Variants in RORA observed in about 807,000 individuals in gnomAD.
RORA encodes the protein RAR related orphan receptor A.
A neutral mutation model predicts 69.5 loss-of-function variants in RORA; 7 were observed. The observed-to-expected ratio is 0.10, with a 90% CI of 0.06 to 0.19. RORA has a LOEUF of 0.19. Ranked by LOEUF, RORA falls within the 10% of genes least tolerant of loss-of-function variation. The probability of loss-of-function intolerance (pLI) is 1.00; values close to 1 mark genes in which losing one functional copy is unlikely to be tolerated. For missense variants in RORA, 457 were observed against 663.0 expected (o/e 0.69, Z 3.41); for synonymous variants, 261 against 240.8 (o/e 1.08, Z -0.78).
chr15:61,219,578 AT>A (rs201695263), intron 1 of RORA, among the ~76,000 whole-genome samples: 38 of 145,060 alleles, frequency 2.6e-4, no homozygotes, highest in African/African-American at 3.9e-4. Context: ...CCGTCTCAAA[AT>A]TTAAAAAAAA....
At chr15:60,715,330 T>C (rs534638568) in intron 1 of RORA, among the ~76,000 whole-genome samples, 26 of 152,306 alleles carry the variant, frequency 1.7e-4, no homozygotes, top group African/African-American at 6.3e-4. Context: ...ATGAGAAACT[T>C]TTTTGAACAC....
intron 2 of RORA, chr15:60,615,167 G>T: frequency 9.5e-7 from 1 of 1,049,494 alleles, no homozygotes; most frequent in Non-Finnish European, 1.4e-6. Flanking sequence ...TAGTGCTAGT[G>T]CACTTGGCAG....
chr15:60,623,879 A>T (rs1457080647), intron 2 of RORA, among the ~76,000 whole-genome samples: 1 of 152,210 alleles, frequency 6.6e-6, no homozygotes, highest in East Asian at 1.9e-4. Flanking sequence ...TAGAATCTTT[A>T]TCACTAAATA....
chr15:60,851,702 TTA>T (rs893175522), intron 1 of RORA, among the ~76,000 whole-genome samples: 2 of 151,440 alleles, frequency 1.3e-5, no homozygotes, highest in African/African-American at 2.4e-5. Context: ...TATGGCAATA[TTA>T]TATGTGTGTG....
chr15:61,066,736 C>A (rs1340842552), intron 1 of RORA, among the ~76,000 whole-genome samples: 1 of 151,770 alleles, frequency 6.6e-6, no homozygotes, highest in East Asian at 1.9e-4. Context: ...CTGGCATGTT[C>A]CTTAAGAACA....
chr15:60,790,282 A>C (rs150606245), intron 1 of RORA, among the ~76,000 whole-genome samples: 2 of 152,340 alleles, frequency 1.3e-5, no homozygotes, highest in East Asian at 3.9e-4. Flanking sequence ...GAGCCTGAGA[A>C]TTTGTATTTT....
chr15:60,587,158 C>T (rs1043768139), intron 2 of RORA, among the ~76,000 whole-genome samples: 2 of 152,170 alleles, frequency 1.3e-5, no homozygotes, highest in Non-Finnish European at 2.9e-5. Context: ...AGCTGTACTT[C>T]ATGGTATTCT....
intron 1 of RORA, among the ~76,000 whole-genome samples, chr15:61,079,979 G>A (rs975356390): frequency 1.1e-4 from 16 of 152,182 alleles, no homozygotes; most frequent in Non-Finnish European, 1.8e-4. Context: ...GGAAGAAGTA[G>A]CAAATCCTGT....
rs1595902913 is a variant in RORA at position 60,520,654 on chromosome 15, A to T, written c.283-5897T>A. ...GTGAGCTGAGAGATGAATTCCAGGG[A>T]TTGGAGGTCATACAGAGAGCAGGGG... is the stretch of plus-strand genomic sequence containing the variant. On this transcript the variant is annotated intron_variant, in intron 3 of 10. Coordinates refer to ENST00000335670, the MANE Select transcript of RORA (RefSeq NM_134261.3). Among the ~76,000 whole-genome samples the T allele has an allele frequency of 2.6e-5, 4 of 152,184 alleles. No homozygotes were observed. In the East Asian group the frequency reaches 7.7e-4, roughly 29 times the overall value.
At chr15:61,203,816 C>G (rs1032191695) in intron 1 of RORA, among the ~76,000 whole-genome samples, 2 of 152,198 alleles carry the variant, frequency 1.3e-5, no homozygotes, top group Non-Finnish European at 2.9e-5. Context: ...AGACAAATTA[C>G]CTGCAAAGGA....
intron 1 of RORA, among the ~76,000 whole-genome samples, chr15:61,119,896 C>T (rs1054286192): frequency 6.6e-6 from 1 of 152,136 alleles, no homozygotes; most frequent in Admixed American, 6.5e-5. Context: ...ACTCACTGTA[C>T]AGTACAAGGG....
chr15:61,033,988 C>T (rs1488656826), intron 1 of RORA, among the ~76,000 whole-genome samples: 1 of 152,140 alleles, frequency 6.6e-6, no homozygotes, highest in Non-Finnish European at 1.5e-5. Flanking sequence ...AAATAAGCTG[C>T]ATTATCAAAC....
At chr15:60,567,267 C>G (rs939516483) in intron 2 of RORA, among the ~76,000 whole-genome samples, 2 of 151,924 alleles carry the variant, frequency 1.3e-5, no homozygotes, top group African/African-American at 4.8e-5. Flanking sequence ...TGCTCCCTTT[C>G]CAAAGCATAT....
At chr15:60,981,472 G>A (rs1350197649) in intron 1 of RORA, among the ~76,000 whole-genome samples, 1 of 151,902 alleles carries the variant, frequency 6.6e-6, no homozygotes, top group Non-Finnish European at 1.5e-5. Context: ...GGTCTCCTAG[G>A]CTCTGTTAAT....
At chr15:61,206,940 C>T (rs1432592907) in intron 1 of RORA, among the ~76,000 whole-genome samples, 1 of 152,202 alleles carries the variant, frequency 6.6e-6, no homozygotes, top group African/African-American at 2.4e-5. Flanking sequence ...CCAGTGGGAA[C>T]AGTCTAACGC....
At chr15:61,148,222 T>G (rs867865740) in intron 1 of RORA, among the ~76,000 whole-genome samples, 3 of 152,118 alleles carry the variant, frequency 2.0e-5, no homozygotes, top group Admixed American at 1.3e-4. Flanking sequence ...GATGCTGGTC[T>G]CAGAGTGGAA....
chr15:60,564,391 T>C (rs1045882896), intron 2 of RORA, among the ~76,000 whole-genome samples: 1 of 152,214 alleles, frequency 6.6e-6, no homozygotes, highest in African/African-American at 2.4e-5. Flanking sequence ...AACATAATGC[T>C]CTTTACATTT....
intron 1 of RORA, among the ~76,000 whole-genome samples, chr15:60,964,826 C>A (rs1209194788): frequency 6.6e-6 from 1 of 152,176 alleles, no homozygotes; most frequent in African/African-American, 2.4e-5. Context: ...GAAGTGGTGG[C>A]TGGAGTGGCC....
Position 60,516,131 on chromosome 15 carries a change from A to T in RORA, c.283-1374T>A, listed in dbSNP as rs1226773719. On this transcript the variant is annotated intron_variant, in intron 3 of 10. Coordinates refer to ENST00000335670, the MANE Select transcript of RORA (RefSeq NM_134261.3). ...TATTATATTATATATATTATATTAA[A>T]TATATTTATATATATTTATATATAT... is the stretch of plus-strand genomic sequence containing the variant. Among the ~76,000 whole-genome samples the T allele has an allele frequency of 1.2e-4, 8 of 64,058 alleles. 1 individual carries two copies. The highest frequency in any genetic ancestry group is 2.0e-4 in the Non-Finnish European group (7 of 35,514). The allele number at this position is 64,058 out of a possible 152,430, so 42.0% of individuals were successfully genotyped here. A position where few individuals can be genotyped will look rare whatever the true frequency, so the allele number is the denominator to read the frequency against.
Sources: allele counts gnomAD v4.1 joint callset (sites outside exome capture counted in the v4.1 genomes callset), GRCh38; gene constraint gnomAD v4.1.1; transcripts MANE v1.5; gene names NCBI Gene and HGNC (gene_info 2026-07-23, HGNC 2026-07-21).